The following LTBP1 variants were observed in gnomAD, a reference collection of about 807,000 sequenced individuals.
LTBP1 encodes latent transforming growth factor beta binding protein 1, also known as latent-transforming growth factor beta-binding protein 1.
Under a neutral mutation model 207.6 loss-of-function variants are expected in LTBP1, and 129 were observed. The ratio of observed to expected loss-of-function variants is 0.62; its 90% CI spans 0.54 to 0.72. The LOEUF (loss-of-function observed/expected upper bound fraction) is 0.72. Among genes scored for constraint, LTBP1 ranks in the 30% least tolerant of loss-of-function variants. The pLI, the probability that LTBP1 is intolerant of heterozygous loss-of-function variation, is 0.00. For synonymous variants in LTBP1, 963 were observed against 833.7 expected (o/e 1.16, Z -2.67); for missense variants, 2,281 against 2,217.2 (o/e 1.03, Z -0.58).
intron 2 of LTBP1, among the ~76,000 whole-genome samples, chr2:32,990,833 T>C (rs990650453): frequency 6.6e-6 from 1 of 152,220 alleles, no homozygotes; most frequent in Admixed American, 6.5e-5. Flanking sequence ...CACATCATGG[T>C]GGATGTAAAA....
chr2:33,200,393 T>C (rs1324435304), intron 7 of LTBP1, among the ~76,000 whole-genome samples: 1 of 152,292 alleles, frequency 6.6e-6, no homozygotes, highest in South Asian at 2.1e-4. Context: ...CCCTATTTAA[T>C]AAATGGTGCT....
chr2:33,017,402 C>T (rs1688537293), intron 2 of LTBP1, among the ~76,000 whole-genome samples: 1 of 152,180 alleles, frequency 6.6e-6, no homozygotes, highest in African/African-American at 2.4e-5. Context: ...AGGGCAGTCA[C>T]TGATTGCTGG....
At chr2:33,098,442 A>AT (rs1267573431) in intron 3 of LTBP1, among the ~76,000 whole-genome samples, 1 of 151,808 alleles carries the variant, frequency 6.6e-6, no homozygotes, top group Non-Finnish European at 1.5e-5. Context: ...TATATAAATG[A>AT]TTTTTTTCTG....
At chr2:33,171,802 G>A (rs1015805802) in intron 5 of LTBP1, among the ~76,000 whole-genome samples, 53 of 152,166 alleles carry the variant, frequency 3.5e-4, no homozygotes, top group African/African-American at 1.2e-3. Context: ...GACTAACAGC[G>A]GATCTCTCGG....
intron 12 of LTBP1, among the ~76,000 whole-genome samples, chr2:33,258,433 C>T (rs1056349862): frequency 2.2e-4 from 33 of 152,056 alleles, no homozygotes; most frequent in African/African-American, 7.7e-4. Flanking sequence ...TTGCCATAGC[C>T]GCCTTCTTGG....
intron 3 of LTBP1, among the ~76,000 whole-genome samples, chr2:33,092,534 C>A (rs1446594194): frequency 2.0e-5 from 3 of 152,198 alleles, no homozygotes; most frequent in African/African-American, 7.2e-5. Context: ...TCCTCACTCC[C>A]TGCCTTCTGA....
intron 3 of LTBP1, among the ~76,000 whole-genome samples, chr2:33,050,476 G>A (rs1419194095): frequency 6.6e-6 from 1 of 151,944 alleles, no homozygotes; most frequent in Non-Finnish European, 1.5e-5. Flanking sequence ...CAACTCACCT[G>A]TACATTAGAC....
intron 19 of LTBP1, among the ~76,000 whole-genome samples, chr2:33,292,131 C>CGGG (rs965196931): frequency 3.9e-5 from 6 of 152,254 alleles, no homozygotes; most frequent in African/African-American, 1.4e-4. Context: ...TACGGTGGAC[C>CGGG]TACCCAGGGC....
intron 3 of LTBP1, among the ~76,000 whole-genome samples, chr2:33,040,634 T>C (rs2076139035): frequency 6.6e-6 from 1 of 152,180 alleles, no homozygotes; most frequent in South Asian, 2.1e-4. Context: ...CCTTTTCTGC[T>C]CCACACTTTG....
rs61151789 is a variant in LTBP1, at chr2:32,981,648, A to G, written c.565+32703A>G. Among the ~76,000 whole-genome samples, 591 of 152,276 alleles carry G rather than the reference A, an allele frequency of 3.9e-3. 4 individuals carry two copies. The highest frequency in any genetic ancestry group is 0.014 in the African/African-American group (572 of 41,548). On this transcript the variant is annotated intron_variant, in intron 2 of 33. Coordinates refer to ENST00000404816, the MANE Select transcript of LTBP1 (RefSeq NM_206943.4). ...TATGGTTTGGCCATGTCCCCACCCA[A>G]ATCTCACCTTGAATTGTAGCTCTCA...
At position 33,035,085 on chromosome 2, in the gene LTBP1, T is replaced by C. The variant is rs987112998; in HGVS notation, c.863+13879T>C. 2.6e-5 allele frequency among the ~76,000 whole-genome samples: 4 copies of C among 152,222 alleles called. No individual in the cohort carries two copies. In the East Asian group the frequency reaches 7.7e-4, roughly 29 times the overall value. ...TTCTTTGGATGCCGTAGCCGACCCT[T>C]GGTTCCCCTTGTTGCCGATGGATAG... is the stretch of plus-strand genomic sequence containing the variant. On this transcript the variant is annotated intron_variant, in intron 3 of 33. Coordinates refer to ENST00000404816, the MANE Select transcript of LTBP1 (RefSeq NM_206943.4).
At chr2:33,110,400 A>G (rs2080332874) in intron 3 of LTBP1, among the ~76,000 whole-genome samples, 182 bp from the exon 4 acceptor site, 1 of 152,198 alleles carries the variant, frequency 6.6e-6, no homozygotes, top group Admixed American at 6.5e-5. Flanking sequence ...TCTGAGCGTA[A>G]GCCATCATTT....
At chr2:33,077,498 C>T (rs2078145561) in intron 3 of LTBP1, among the ~76,000 whole-genome samples, 1 of 152,192 alleles carries the variant, frequency 6.6e-6, no homozygotes, top group African/African-American at 2.4e-5. Context: ...AGCATCTTCA[C>T]ATGGCCAGAG....
intron 3 of LTBP1, among the ~76,000 whole-genome samples, chr2:33,055,242 T>G (rs2076936929): frequency 6.6e-6 from 1 of 152,204 alleles, no homozygotes; most frequent in Non-Finnish European, 1.5e-5. Flanking sequence ...TGATTGGGTA[T>G]TAAACTTATC....
At chr2:33,307,800 T>TGAAC (rs1414910517) in intron 22 of LTBP1, among the ~76,000 whole-genome samples, 1 of 152,212 alleles carries the variant, frequency 6.6e-6, no homozygotes, top group East Asian at 1.9e-4. Flanking sequence ...TAATTCTGGG[T>TGAAC]GAACAGTCAT....
chr2:33,016,605 A>G lies in LTBP1; in HGVS notation c.566-4304A>G, dbSNP rs568643549. ...AGCCAAGCCTGAGAACCACCGCCCA[A>G]TCCACTGATAAGATCTTGATATAGC... On this transcript the variant is annotated intron_variant, in intron 2 of 33. Transcript: ENST00000404816. 1.2e-3 allele frequency among the ~76,000 whole-genome samples: 176 copies of G among 152,196 alleles called. No homozygotes were observed. In the Middle Eastern group the frequency reaches 0.017, roughly 15 times the overall value.
intron 24 of LTBP1, among the ~76,000 whole-genome samples, chr2:33,318,593 A>G (rs1454696093): frequency 1.3e-5 from 2 of 152,130 alleles, no homozygotes; most frequent in African/African-American, 4.8e-5. Flanking sequence ...TATTTTTTTC[A>G]AATCCCAGAC....
intron 3 of LTBP1, among the ~76,000 whole-genome samples, chr2:33,107,557 C>T (rs1171552583): frequency 1.3e-5 from 2 of 151,936 alleles, no homozygotes; most frequent in Non-Finnish European, 2.9e-5. Context: ...TCTTAGGGGG[C>T]CCAGTGGATG....
At chr2:33,310,035 C>G (rs1008164287) in intron 23 of LTBP1, among the ~76,000 whole-genome samples, 1 of 151,340 alleles carries the variant, frequency 6.6e-6, no homozygotes, top group African/African-American at 2.4e-5. Context: ...GCAACCTCCA[C>G]CTCCCAGGTT....
Sources: gnomAD v4.1 joint callset for allele counts (sites outside exome capture counted in the v4.1 genomes callset) on GRCh38, gnomAD v4.1.1 for gene constraint, MANE v1.5 for transcripts, NCBI Gene and HGNC (gene_info 2026-07-23, HGNC 2026-07-21) for gene names.